The following CLSTN2 variants were observed in gnomAD, a reference collection of about 807,000 sequenced individuals.
The protein encoded by CLSTN2 is calsyntenin-2.
A neutral mutation model predicts 101.2 loss-of-function variants in CLSTN2; 48 were observed. That is an observed-to-expected ratio of 0.47 (90% confidence interval 0.38 to 0.60). The LOEUF is 0.60. CLSTN2 is among the 20% of genes least tolerant of loss of function. The pLI is 0.00. For missense variants in CLSTN2, 1,160 were observed against 1,238.2 expected, an observed-to-expected ratio of 0.94 and a Z score of 0.95; for synonymous variants, 481 against 463.6, an observed-to-expected ratio of 1.04 and a Z score of -0.48.
At chr3:140,001,918 C>G (rs529885130) in intron 1 of CLSTN2, among the ~76,000 whole-genome samples, 4 of 152,256 alleles carry the variant, frequency 2.6e-5, no homozygotes, top group Non-Finnish European at 4.4e-5. Context: ...ATAATGACCT[C>G]CAGTTCCATC....
At chr3:139,994,882 C>G (rs886275819) in intron 1 of CLSTN2, among the ~76,000 whole-genome samples, 1 of 152,148 alleles carries the variant, frequency 6.6e-6, no homozygotes, top group African/African-American at 2.4e-5. Context: ...GAAAGATGGT[C>G]CCTTCCTTCT....
At chr3:140,521,870 C>A (rs978699264) in intron 8 of CLSTN2, among the ~76,000 whole-genome samples, 1 of 152,154 alleles carries the variant, frequency 6.6e-6, no homozygotes, top group African/African-American at 2.4e-5. Flanking sequence ...AAGTGGGGCC[C>A]GCAGAATGAC....
chr3:140,102,351 G>A (rs75487562), intron 1 of CLSTN2, among the ~76,000 whole-genome samples: 5,227 of 152,258 alleles, frequency 0.034, 133 homozygotes, highest in Non-Finnish European at 0.052. Context: ...CATGATTTGG[G>A]GGCAAGAAGC....
At chr3:140,265,274 A>C (rs1373106381) in intron 2 of CLSTN2, among the ~76,000 whole-genome samples, 8 of 152,180 alleles carry the variant, frequency 5.3e-5, no homozygotes, top group Non-Finnish European at 7.4e-5. Context: ...AACAATTCCA[A>C]GTTGCAGGTG....
intron 1 of CLSTN2, among the ~76,000 whole-genome samples, chr3:140,081,233 C>T (rs1458491888): frequency 1.3e-5 from 2 of 151,992 alleles, no homozygotes; most frequent in Non-Finnish European, 2.9e-5. Context: ...AGGGCAAATC[C>T]CTCACAAATG....
intron 1 of CLSTN2, among the ~76,000 whole-genome samples, chr3:140,009,340 A>C (rs115806388): frequency 7.2e-5 from 11 of 152,312 alleles, no homozygotes; most frequent in African/African-American, 1.7e-4. Context: ...CAAGTAATTC[A>C]TGGGCATTTT....
chr3:140,201,239 G>C (rs2010714614), intron 2 of CLSTN2, among the ~76,000 whole-genome samples: 1 of 152,156 alleles, frequency 6.6e-6, no homozygotes. Context: ...CTTTCTTGTG[G>C]GAGATGATTC....
chr3:139,982,226 T>C (rs1333416649), intron 1 of CLSTN2, among the ~76,000 whole-genome samples: 2 of 152,116 alleles, frequency 1.3e-5, no homozygotes, highest in Non-Finnish European at 2.9e-5. Flanking sequence ...GGTATTATTA[T>C]TAATATAATT....
chr3:140,403,355 G>A (rs1165726584), intron 2 of CLSTN2, among the ~76,000 whole-genome samples: 1 of 152,164 alleles, frequency 6.6e-6, no homozygotes. Context: ...AAGGAAAGAG[G>A]AAAGCAGTGC....
chr3:140,446,972 C>T (rs1490257896), intron 5 of CLSTN2, among the ~76,000 whole-genome samples: 2 of 152,188 alleles, frequency 1.3e-5, no homozygotes, highest in African/African-American at 4.8e-5. Context: ...CACATAGAAA[C>T]AAACCCTGAA....
At chr3:140,121,921 C>T (rs1321356261) in intron 1 of CLSTN2, among the ~76,000 whole-genome samples, 2 of 152,144 alleles carry the variant, frequency 1.3e-5, no homozygotes, top group South Asian at 2.1e-4. Flanking sequence ...TCTTACCTTC[C>T]CTCCTGAGAA....
chr3:139,972,773 G>T (rs776065936), intron 1 of CLSTN2, among the ~76,000 whole-genome samples: 1 of 152,098 alleles, frequency 6.6e-6, no homozygotes, highest in African/African-American at 2.4e-5. Context: ...GCTGCCTTCC[G>T]CCAGGAAGAA....
intron 1 of CLSTN2, among the ~76,000 whole-genome samples, chr3:140,102,770 T>C (rs1659218142): frequency 6.6e-6 from 1 of 152,160 alleles, no homozygotes; most frequent in African/African-American, 2.4e-5. Context: ...GAATGACATA[T>C]GAAAACACAG....
At chr3:140,193,605 T>C (rs1027418070) in intron 2 of CLSTN2, among the ~76,000 whole-genome samples, 12 of 152,108 alleles carry the variant, frequency 7.9e-5, no homozygotes, top group African/African-American at 2.9e-4. Context: ...TTAATTGTGA[T>C]GTCTTTTCAT....
At chr3:139,950,738 A>T (rs1398541954) in intron 1 of CLSTN2, among the ~76,000 whole-genome samples, 1 of 152,242 alleles carries the variant, frequency 6.6e-6, no homozygotes, top group Non-Finnish European at 1.5e-5. Flanking sequence ...GTCTTCACTG[A>T]ATACAAAGAA....
chr3:140,128,609 C>T (rs927862317), intron 1 of CLSTN2, among the ~76,000 whole-genome samples: 3 of 152,122 alleles, frequency 2.0e-5, no homozygotes, highest in Admixed American at 6.5e-5. Flanking sequence ...ATGGAGGCTT[C>T]CCTGATGGAA....
At chr3:140,028,252 A>G (rs543689136) in intron 1 of CLSTN2, among the ~76,000 whole-genome samples, 2 of 152,280 alleles carry the variant, frequency 1.3e-5, no homozygotes, top group Admixed American at 6.5e-5. Context: ...TGTGCTGTCC[A>G]TTCCCAGCAA....
At chr3:139,945,319 A>G (rs1935199152) in intron 1 of CLSTN2, among the ~76,000 whole-genome samples, 3 of 152,212 alleles carry the variant, frequency 2.0e-5, no homozygotes, top group African/African-American at 7.2e-5. Context: ...GAAAGGACAC[A>G]ATGGCACCTC....
At chr3:140,324,601 T>C (rs1169695763) in intron 2 of CLSTN2, among the ~76,000 whole-genome samples, 1 of 152,238 alleles carries the variant, frequency 6.6e-6, no homozygotes, top group African/African-American at 2.4e-5. Context: ...TTTCCAAAAT[T>C]TGTATGATTC....
Sources: allele counts gnomAD v4.1 joint callset (sites outside exome capture counted in the v4.1 genomes callset), GRCh38; gene constraint gnomAD v4.1.1; transcripts MANE v1.5; gene names NCBI Gene and HGNC (gene_info 2026-07-23, HGNC 2026-07-21).